The following KAZN variants were observed in gnomAD, a reference collection of about 807,000 sequenced individuals.
KAZN encodes kazrin.
In KAZN, 40 loss-of-function variants were observed where a neutral mutation model predicts 87.4. The ratio of observed to expected loss-of-function variants is 0.46; its 90% CI spans 0.36 to 0.60. The LOEUF (loss-of-function observed/expected upper bound fraction) is 0.60. Among genes scored for constraint, KAZN ranks in the 20% least tolerant of loss-of-function variants. KAZN has a pLI of 0.00. For missense variants in KAZN, 898 were observed against 1,073.9 expected, an observed-to-expected ratio of 0.84 and a Z score of 2.29; for synonymous variants, 466 against 458.3, an observed-to-expected ratio of 1.02 and a Z score of -0.22.
At chr1:14,972,226 C>CCTG (rs1490151565) in intron 2 of KAZN, among the ~76,000 whole-genome samples, 36 of 152,182 alleles carry the variant, frequency 2.4e-4, no homozygotes, top group Non-Finnish European at 4.7e-4. Flanking sequence ...GCCTACCTGG[C>CCTG]CATGACAGGG....
chr1:15,114,107 C>T (rs1312888327), intron 14 of KAZN: 2 of 190,204 alleles, frequency 1.1e-5, no homozygotes, highest in Non-Finnish European at 2.2e-5. Context: ...CCTCATGGGC[C>T]TGCTCAGACA....
intron 2 of KAZN, among the ~76,000 whole-genome samples, chr1:14,496,847 G>GA (rs374829322): frequency 1.5e-3 from 204 of 138,638 alleles, no homozygotes; most frequent in Non-Finnish European, 2.2e-3. Context: ...ACCAAAAAAA[G>GA]AAAAAAAAAA....
intron 1 of KAZN, among the ~76,000 whole-genome samples, chr1:14,816,693 AATAG>A (rs1646575566): frequency 1.3e-5 from 2 of 152,322 alleles, no homozygotes; most frequent in East Asian, 1.9e-4. Context: ...GATAGATATA[AATAG>A]ATAATGATAA....
At chr1:14,801,205 A>G (rs941425785) in intron 1 of KAZN, among the ~76,000 whole-genome samples, 3 of 152,064 alleles carry the variant, frequency 2.0e-5, no homozygotes, top group Non-Finnish European at 4.4e-5. Flanking sequence ...GAGCCGTCTC[A>G]GGGTGTTTCA....
intron 2 of KAZN, among the ~76,000 whole-genome samples, chr1:15,024,744 G>A (rs1212123265): frequency 6.6e-6 from 1 of 152,186 alleles, no homozygotes; most frequent in East Asian, 1.9e-4. Flanking sequence ...CCCCAGCCCT[G>A]GGCACCTTAA....
chr1:14,926,982 G>A (rs570789515), intron 1 of KAZN, among the ~76,000 whole-genome samples: 75 of 152,302 alleles, frequency 4.9e-4, no homozygotes, highest in African/African-American at 1.8e-3. Flanking sequence ...TCCTGAGATC[G>A]GCAGGTGATG....
At chr1:14,415,745 GCCTTC>G (rs769391420) in intron 2 of KAZN, among the ~76,000 whole-genome samples, 30 of 152,204 alleles carry the variant, frequency 2.0e-4, no homozygotes, top group East Asian at 1.9e-3. Flanking sequence ...AGGACATTTT[GCCTTC>G]CCTTCCCTTC....
chr1:14,279,979 C>G (rs1247697192), intron 2 of KAZN, among the ~76,000 whole-genome samples: 1 of 152,078 alleles, frequency 6.6e-6, no homozygotes, highest in Non-Finnish European at 1.5e-5. Context: ...TCGTGTCCCC[C>G]CAAAAATCCA....
At chr1:14,501,829 C>T (rs1168898911) in intron 2 of KAZN, among the ~76,000 whole-genome samples, 1 of 152,188 alleles carries the variant, frequency 6.6e-6, no homozygotes, top group Non-Finnish European at 1.5e-5. Flanking sequence ...TGTGCTACAA[C>T]ATGGGTGCAC....
intron 1 of KAZN, among the ~76,000 whole-genome samples, chr1:13,978,129 C>CG (rs1553180744): frequency 1.2e-5 from 1 of 82,122 alleles, no homozygotes; most frequent in South Asian, 5.4e-4. Flanking sequence ...CTCCATCTCA[C>CG]AAAAAAAAAA....
chr1:14,580,215 C>T (rs909205508), intron 2 of KAZN, among the ~76,000 whole-genome samples: 1 of 152,172 alleles, frequency 6.6e-6, no homozygotes, highest in Non-Finnish European at 1.5e-5. Flanking sequence ...GTGGCTCACA[C>T]CTGTAATCGC....
At chr1:14,538,669 G>A (rs912657627) in intron 2 of KAZN, among the ~76,000 whole-genome samples, 1 of 152,194 alleles carries the variant, frequency 6.6e-6, no homozygotes, top group Non-Finnish European at 1.5e-5. Flanking sequence ...TTATGGAGAA[G>A]ACACATTGAA....
chr1:14,304,624 T>A (rs1654789792), intron 2 of KAZN: 1 of 398,340 alleles, frequency 2.5e-6, no homozygotes, highest in South Asian at 1.3e-4. Flanking sequence ...ATGAATTCAT[T>A]TCAATGCATT....
intron 1 of KAZN, among the ~76,000 whole-genome samples, chr1:14,806,555 G>T (rs1466166655): frequency 2.0e-5 from 3 of 152,190 alleles, no homozygotes; most frequent in African/African-American, 7.2e-5. Context: ...AAGGGAATAT[G>T]CAGACAGGCA....
rs187936491 is a variant in KAZN at position 14,079,878 on chromosome 1, C to G, written c.92-100557C>G. 3.0e-3 allele frequency among the ~76,000 whole-genome samples: 451 copies of G among 151,980 alleles called. 3 individuals are homozygous for G. The highest frequency in any genetic ancestry group is 4.0e-3 in the Non-Finnish European group (273 of 67,976). ...CCCGCCCCCATGACCCAAACCCCCACCACTTCCCATCAGGCCCCACCTCCG... is the reference window on the plus strand; with the variant it reads ...CCCGCCCCCATGACCCAAACCCCCAGCACTTCCCATCAGGCCCCACCTCCG... On this transcript the variant is annotated intron_variant, in intron 1 of 16. Transcript: ENST00000636203.
intron 2 of KAZN, among the ~76,000 whole-genome samples, chr1:14,234,219 C>A (rs1648155605): frequency 6.6e-6 from 1 of 152,104 alleles, no homozygotes; most frequent in Non-Finnish European, 1.5e-5. Context: ...CTATACTATG[C>A]AGCCATAAAA....
chr1:13,939,640 T>C (rs1341849604), intron 1 of KAZN, among the ~76,000 whole-genome samples: 1 of 152,212 alleles, frequency 6.6e-6, no homozygotes, highest in Non-Finnish European at 1.5e-5. Flanking sequence ...GATATCTTTA[T>C]AGCAATGCCC....
At chr1:14,823,449 G>T (rs1410096472) in intron 1 of KAZN, among the ~76,000 whole-genome samples, 1 of 152,124 alleles carries the variant, frequency 6.6e-6, no homozygotes, top group Non-Finnish European at 1.5e-5. Context: ...GGCAACCAAG[G>T]CTGGTATCCC....
intron 2 of KAZN, among the ~76,000 whole-genome samples, chr1:14,330,440 A>AT (rs1198331458): frequency 6.6e-6 from 1 of 152,092 alleles, no homozygotes; most frequent in Non-Finnish European, 1.5e-5. Context: ...GAGAAGAAGC[A>AT]TTTTACTGAA....
Sources: gnomAD v4.1 joint callset for allele counts (sites outside exome capture counted in the v4.1 genomes callset) on GRCh38, gnomAD v4.1.1 for gene constraint, MANE v1.5 for transcripts, NCBI Gene and HGNC (gene_info 2026-07-23, HGNC 2026-07-21) for gene names.